Variants in TRIM59 observed in about 807,000 individuals in gnomAD.
TRIM59 encodes the protein tripartite motif containing 59.
In TRIM59, 14 loss-of-function variants were observed where a neutral mutation model predicts 32.2. The ratio of observed to expected loss-of-function variants is 0.43; its 90% CI spans 0.29 to 0.68. TRIM59 has a LOEUF of 0.68. Among genes scored for constraint, TRIM59 ranks in the 30% least tolerant of loss-of-function variants. The probability of loss-of-function intolerance (pLI) is 0.15; values close to 1 mark genes in which losing one functional copy is unlikely to be tolerated. For synonymous variants in TRIM59, 163 were observed against 155.1 expected, an observed-to-expected ratio of 1.05 and a Z score of -0.38; for missense variants, 471 against 463.3, an observed-to-expected ratio of 1.02 and a Z score of -0.15.
Position 160,436,873 on chromosome 3 carries a change from AAATTT to A in TRIM59, c.*1094_*1098del, listed in dbSNP as rs1392584652. On this transcript the variant is annotated 3_prime_UTR_variant, in exon 3 of 3. Coordinates refer to ENST00000309784, the MANE Select transcript of TRIM59 (RefSeq NM_173084.3). ...CATTAGCTTAAGGGAATGTGGTAGA[AAATTT>A]AAATGAGTTAAGATGAATAAAGTCC... 2 of 985,040 alleles carry A rather than the reference AAATTT, an allele frequency of 2.0e-6. No homozygotes were observed. Among genetic ancestry groups the A allele is most frequent in the Non-Finnish European group, 2.4e-6 (2 of 829,844 alleles). 61.0% of individuals were successfully genotyped at this position (985,040 alleles called of 1,614,324 possible). A position where few individuals can be genotyped will look rare whatever the true frequency, so the allele number is the denominator to read the frequency against.
intron 2 of TRIM59, among the ~76,000 whole-genome samples, chr3:160,442,930 C>A (rs1256851992): frequency 6.6e-6 from 1 of 152,090 alleles, no homozygotes; most frequent in Non-Finnish European, 1.5e-5. Context: ...CCAACCTGGG[C>A]AACACCAAGA....
At chr3:160,446,032 C>G (rs915087479) in intron 2 of TRIM59, among the ~76,000 whole-genome samples, 21 of 152,038 alleles carry the variant, frequency 1.4e-4, no homozygotes, top group African/African-American at 4.8e-4. Flanking sequence ...TGGTCTCAAA[C>G]CCCTAGCCTC....
chr3:160,438,314 G>T lies in TRIM59; in HGVS notation c.870C>A (p.Ser290Arg). The T allele has an allele frequency of 6.2e-7, 1 of 1,613,260 alleles. No homozygotes were observed. The highest frequency in any genetic ancestry group is 8.5e-7 in the Non-Finnish European group (1 of 1,179,836). ...TCTTAATTTGTCCAATTTCTGTTCT[G>T]CTCCATTCTTCTTTCAATATTTTGC... ...RVSKILKEEW[S>R]RTEIGQIKNV... Residue 290 changes from serine (S) to arginine (R), a missense_variant, in exon 3 of 3, where the codon AGC becomes AGA. Transcript: ENST00000309784.
At chr3:160,439,489 CTG>C (rs1341920952) in intron 2 of TRIM59, among the ~76,000 whole-genome samples, 4 of 152,150 alleles carry the variant, frequency 2.6e-5, no homozygotes, top group Non-Finnish European at 1.5e-5. Context: ...TATGGTTTGG[CTG>C]TGTCTCCACC....
In TRIM59 at chr3:160,437,838, A is replaced by G; in HGVS notation, c.*134T>C. 1 of 1,290,724 alleles carries G rather than the reference A, an allele frequency of 7.7e-7. No individual in the cohort carries two copies. The highest frequency in any genetic ancestry group is 9.8e-7 in the Non-Finnish European group (1 of 1,020,156). The allele number at this position is 1,290,724 out of a possible 1,614,324, so 80.0% of individuals were successfully genotyped here. A position where few individuals can be genotyped will look rare whatever the true frequency, so the allele number is the denominator to read the frequency against. ...TGACATATCATTGCTAACCAAAAGA[A>G]GCAACAAATATAAACATTTGTTTAT... On this transcript the variant is annotated 3_prime_UTR_variant, in exon 3 of 3. Coordinates refer to ENST00000309784, the MANE Select transcript of TRIM59 (RefSeq NM_173084.3).
intron 1 of TRIM59, 167 bp from the exon 2 acceptor site, chr3:160,448,962 CTTG>C (rs1463526186): frequency 2.4e-5 from 8 of 328,602 alleles, no homozygotes; most frequent in South Asian, 2.0e-4. Flanking sequence ...AGAGGTATCG[CTTG>C]TTCCTTGAAA....
rs1577021718 is a variant in TRIM59, at chr3:160,448,772, C to A, written c.-50G>T. 6 of 1,275,068 alleles carry A rather than the reference C, an allele frequency of 4.7e-6. No individual in the cohort carries two copies. Among genetic ancestry groups the A allele is most frequent in the Non-Finnish European group, 6.1e-6 (6 of 982,638 alleles). The allele number at this position is 1,275,068 out of a possible 1,614,324, so 79.0% of individuals were successfully genotyped here. A position where few individuals can be genotyped will look rare whatever the true frequency, so the allele number is the denominator to read the frequency against. ...GGGCTGAATACACTCTTCTCCAACTCCTCCAGAATCTTTTATTCTTATTCT... is the reference window on the plus strand; with the variant it reads ...GGGCTGAATACACTCTTCTCCAACTACTCCAGAATCTTTTATTCTTATTCT... On this transcript the variant is annotated 5_prime_UTR_variant, in exon 2 of 3. Coordinates refer to ENST00000309784, the MANE Select transcript of TRIM59 (RefSeq NM_173084.3).
intron 2 of TRIM59, 38 bp from the exon 3 acceptor site, chr3:160,439,224 A>T: frequency 6.9e-7 from 1 of 1,447,500 alleles, no homozygotes; most frequent in East Asian, 2.4e-5. Context: ...TTACATAGAG[A>T]CACCTGTACA....
In TRIM59 at chr3:160,436,678, G is replaced by C; in HGVS notation, c.*1294C>G. On this transcript the variant is annotated 3_prime_UTR_variant, in exon 3 of 3. Transcript: ENST00000309784. Reference sequence around the variant, plus strand: ...CTGGGCGTGGTAGCAGATGCCTGTAGTCCCAGCTACTCGGGAGGCTGAGGC... The same window carrying C: ...CTGGGCGTGGTAGCAGATGCCTGTACTCCCAGCTACTCGGGAGGCTGAGGC... The C allele has an allele frequency of 1.9e-6, 1 of 530,674 alleles. No homozygotes were observed. Among genetic ancestry groups the C allele is most frequent in the Non-Finnish European group, 2.4e-6 (1 of 414,388 alleles). 32.9% of individuals were successfully genotyped at this position (530,674 alleles called of 1,614,324 possible).
intron 2 of TRIM59, among the ~76,000 whole-genome samples, chr3:160,447,377 C>T (rs1719591062): frequency 6.6e-6 from 1 of 152,152 alleles, no homozygotes; most frequent in African/African-American, 2.4e-5. Flanking sequence ...AAAAATGAAT[C>T]TTCTCAGAAA....
In TRIM59 at chr3:160,436,087, T is replaced by C. The variant is rs1718929081; in HGVS notation, c.*1885A>G. 8.9e-7 allele frequency: 1 copy of C among 1,120,160 alleles called. No homozygotes were observed. Among genetic ancestry groups the C allele is most frequent in the Non-Finnish European group, 1.1e-6 (1 of 905,652 alleles). The allele number at this position is 1,120,160 out of a possible 1,614,324, so 69.4% of individuals were successfully genotyped here. Reference sequence around the variant, plus strand: ...AGTATGTGTCTCTCCTTACCTCTACTATGCCCTTTAAATGTTCTTTGCCCA... The same window carrying C: ...AGTATGTGTCTCTCCTTACCTCTACCATGCCCTTTAAATGTTCTTTGCCCA... On this transcript the variant is annotated 3_prime_UTR_variant, in exon 3 of 3. Transcript: ENST00000309784.
chr3:160,448,338 T>C (rs1719639587), intron 2 of TRIM59, among the ~76,000 whole-genome samples: 1 of 152,216 alleles, frequency 6.6e-6, no homozygotes, highest in Non-Finnish European at 1.5e-5. Context: ...CCAGATTAAA[T>C]AGCTACTTAC....
At chr3:160,443,041 C>T (rs796341469) in intron 2 of TRIM59, among the ~76,000 whole-genome samples, 8 of 152,188 alleles carry the variant, frequency 5.3e-5, no homozygotes, top group African/African-American at 1.9e-4. Context: ...ATCACTTGAG[C>T]CCAAGAAGTT....
intron 2 of TRIM59, among the ~76,000 whole-genome samples, chr3:160,448,193 T>G (rs1719633023): frequency 6.6e-6 from 1 of 152,184 alleles, no homozygotes; most frequent in Non-Finnish European, 1.5e-5. Flanking sequence ...CGGAATTGAC[T>G]TGAGAAATTA....
chr3:160,440,241 A>G (rs975066515), intron 2 of TRIM59, among the ~76,000 whole-genome samples: 2 of 152,218 alleles, frequency 1.3e-5, no homozygotes, highest in African/African-American at 4.8e-5. Context: ...AGTTTGAAAG[A>G]TAAGAGTTGA....
rs1193063185 is a variant in TRIM59 at position 160,439,120 on chromosome 3, C to T, written c.64G>A (p.Val22Ile). The T allele has an allele frequency of 3.3e-6, 5 of 1,516,978 alleles. No individual in the cohort carries two copies. Among genetic ancestry groups the T allele is most frequent in the East Asian group, 2.3e-5 (1 of 44,062 alleles). The allele number at this position is 1,516,978 out of a possible 1,614,324, so 94.0% of individuals were successfully genotyped here. A position where few individuals can be genotyped will look rare whatever the true frequency, so the allele number is the denominator to read the frequency against. The change falls in exon 3 of 3, where the codon GTA becomes ATA. Residue 22 changes from valine (V) to isoleucine (I), a missense_variant. By Grantham distance (29) the Val-to-Ile change is conservative (BLOSUM62 3). Coordinates refer to ENST00000309784, the MANE Select transcript of TRIM59 (RefSeq NM_173084.3). The stretch of plus-strand genomic sequence containing the variant: ...CAAAATGTATGAGAGCATGGCAGTA[C>T]ACGAGGATCTTCAAAAATACTATAA... ...ICYSIFEDPR[V>I]LPCSHTFCRN...
chr3:160,442,078 A>G (rs1041924343), intron 2 of TRIM59, among the ~76,000 whole-genome samples: 1 of 152,232 alleles, frequency 6.6e-6, no homozygotes, highest in Non-Finnish European at 1.5e-5. Context: ...AATAAACAGA[A>G]TAACACTTTG....
At chr3:160,449,554 G>C in intron 1 of TRIM59, 163 bp downstream of exon 1, 1 of 1,279,076 alleles carries the variant, frequency 7.8e-7, no homozygotes, top group Non-Finnish European at 1.0e-6. Flanking sequence ...CCAAACTCCA[G>C]TATGGGACAA....
intron 2 of TRIM59, among the ~76,000 whole-genome samples, chr3:160,440,323 A>AT (rs557816675): frequency 4.2e-4 from 64 of 152,342 alleles, no homozygotes; most frequent in Middle Eastern, 3.4e-3. Flanking sequence ...AAAGAAGACC[A>AT]TTAGTCATCT....
Sources: allele counts gnomAD v4.1 joint callset (sites outside exome capture counted in the v4.1 genomes callset), GRCh38; gene constraint gnomAD v4.1.1; transcripts MANE v1.5; gene names NCBI Gene and HGNC (gene_info 2026-07-23, HGNC 2026-07-21).